SLC9A3: variants seen among roughly 807,000 people sequenced by gnomAD.
SLC9A3 encodes sodium/hydrogen exchanger 3.
SLC9A3 carries 37 observed loss-of-function variants against 86.8 expected under a neutral mutation model. The observed-to-expected ratio is 0.43, with a 90% CI of 0.33 to 0.56. The LOEUF is 0.56. SLC9A3 is among the 20% of genes least tolerant of loss of function. The pLI is 0.06. For synonymous variants in SLC9A3, 581 were observed against 528.3 expected, an observed-to-expected ratio of 1.10 and a Z score of -1.37; for missense variants, 1,011 against 1,171.9, an observed-to-expected ratio of 0.86 and a Z score of 2.00.
chr5:475,760 G>T, intron 14 of SLC9A3, 89 bp from the exon 15 acceptor site: 1 of 804,780 alleles, frequency 1.2e-6, no homozygotes. Flanking sequence ...TCTGTGCACA[G>T]AGGTGCAGGC....
intron 1 of SLC9A3, among the ~76,000 whole-genome samples, chr5:522,083 G>A (rs1263678436): frequency 1.4e-5 from 2 of 143,962 alleles, no homozygotes; most frequent in East Asian, 2.0e-4. Context: ...GTGGGATACC[G>A]CGATGAGCTC....
intron 2 of SLC9A3, among the ~76,000 whole-genome samples, chr5:490,307 G>A (rs921827835): frequency 8.5e-5 from 7 of 82,612 alleles, no homozygotes; most frequent in East Asian, 3.9e-4. Context: ...AGAGTCCAGC[G>A]TGGCGAGGGG....
In SLC9A3 at chr5:476,750, G is replaced by A. The variant is rs186127183; in HGVS notation, c.1761-78C>T. 9,580 of 1,548,858 alleles carry A rather than the reference G, an allele frequency of 6.2e-3. 120 individuals carry two copies. Among genetic ancestry groups the A allele is most frequent in the Non-Finnish European group, 6.3e-3 (7,157 of 1,144,680 alleles). On this transcript the variant is annotated intron_variant, in intron 11 of 16. Transcript: ENST00000264938. ...TGCGCGCCCCTCGCCTTCCCACGGCGGGCATCTGGCCCTGGCTGCCTCCTG... is the reference window on the plus strand; with the variant it reads ...TGCGCGCCCCTCGCCTTCCCACGGCAGGCATCTGGCCCTGGCTGCCTCCTG...
rs779580593 is a variant in SLC9A3, at chr5:479,906, T to C, written c.1577A>G (p.Lys526Arg). 2.5e-6 allele frequency: 4 copies of C among 1,613,876 alleles called. No homozygotes were observed. The highest frequency in any genetic ancestry group is 1.1e-5 in the South Asian group (1 of 91,080). The part of the protein sequence containing the change: ...SRVLMRRSAQ[K>R]SRDRILNVFH... ...GACATTCAGGATCCGGTCTCGAGAC[T>C]TCTGGGCCGACCGTCTCATGAGGAC... The change falls in exon 10 of 17, where the codon AAG becomes AGG. Residue 526 changes from lysine (K) to arginine (R), a missense_variant. By Grantham distance (26) the Lys-to-Arg change is conservative. Coordinates refer to ENST00000264938, the MANE Select transcript of SLC9A3 (RefSeq NM_004174.4).
chr5:524,030 C>T, intron 1 of SLC9A3, 82 bp downstream of exon 1: 3 of 946,362 alleles, frequency 3.2e-6, no homozygotes, highest in East Asian at 3.3e-5. Flanking sequence ...ACCTGATGCG[C>T]GCGGCCACAA....
intron 1 of SLC9A3, among the ~76,000 whole-genome samples, chr5:512,453 C>A (rs1401220564): frequency 6.6e-6 from 1 of 151,906 alleles, no homozygotes; most frequent in Non-Finnish European, 1.5e-5. Flanking sequence ...AAACTGTGGA[C>A]CTTAATTAAT....
At chr5:514,251 C>T (rs976246503) in intron 1 of SLC9A3, among the ~76,000 whole-genome samples, 6 of 152,126 alleles carry the variant, frequency 3.9e-5, no homozygotes, top group South Asian at 2.1e-4. Flanking sequence ...CAGGCAGTCC[C>T]GGTTCCAAGA....
rs1179758052 is a variant in SLC9A3 at position 473,156 on chromosome 5, C to CGGCGCAGGCCCCGCCCCT, written c.*222_*223insAGGGGCGGGGCCTGCGCC. The CGGCGCAGGCCCCGCCCCT allele has an allele frequency of 5.1e-6, 2 of 388,350 alleles. No homozygotes were observed. The highest frequency in any genetic ancestry group is 1.1e-4 in the South Asian group (1 of 8,860). The allele number at this position is 388,350 out of a possible 1,614,324, so 24.1% of individuals were successfully genotyped here. A position where few individuals can be genotyped will look rare whatever the true frequency, so the allele number is the denominator to read the frequency against. ...GCCCTCGGCGCTCCGGCCCCGCCCC[C>CGGCGCAGGCCCCGCCCCT]GGCGCAGGCCCCGCCCCCGGCTCGC... is the stretch of plus-strand genomic sequence containing the variant. On this transcript the variant is annotated 3_prime_UTR_variant, in exon 17 of 17. Transcript: ENST00000264938.
rs759890286 is a variant in SLC9A3, at chr5:479,956, G to A, written c.1527C>T (p.His509=). ...GHNYLRDKWS[H]FDRKFLSRVL... ...CCCTGCTGAGGAACTTCCTGTCGAAGTGGGACCACCTGTAGGGACAGACCT... is the reference window on the plus strand; with the variant it reads ...CCCTGCTGAGGAACTTCCTGTCGAAATGGGACCACCTGTAGGGACAGACCT... The change falls in exon 10 of 17, where the codon CAC becomes CAT. Residue 509 remains histidine (H), a synonymous_variant. Transcript: ENST00000264938. The A allele has an allele frequency of 1.2e-6, 2 of 1,613,678 alleles. No homozygotes were observed. The highest frequency in any genetic ancestry group is 1.7e-6 in the Non-Finnish European group (2 of 1,179,910).
chr5:522,939 C>G (rs971826850), intron 1 of SLC9A3, among the ~76,000 whole-genome samples: 20 of 151,978 alleles, frequency 1.3e-4, no homozygotes, highest in East Asian at 7.8e-4. Context: ...GACTCCCCCC[C>G]GGCCAGCATC....
chr5:477,679 C>T (rs989293538), intron 10 of SLC9A3: 4 of 495,620 alleles, frequency 8.1e-6, no homozygotes, highest in South Asian at 2.7e-5. Flanking sequence ...CTGAACTGGG[C>T]AGAGGTCATG....
intron 1 of SLC9A3, among the ~76,000 whole-genome samples, chr5:507,035 C>T (rs1219315211): frequency 6.7e-6 from 1 of 149,474 alleles, no homozygotes; most frequent in Non-Finnish European, 1.5e-5. Context: ...CGAGATTGGG[C>T]CACTGCACTC....
rs745868935 is a variant in SLC9A3 at position 476,684 on chromosome 5, C to G, written c.1761-12G>C. On this transcript the variant is annotated splice_polypyrimidine_tract_variant and intron_variant, in intron 11 of 16. Coordinates refer to ENST00000264938, the MANE Select transcript of SLC9A3 (RefSeq NM_004174.4). Reference sequence around the variant, plus strand: ...TGACATTTTCTCTCCTGCGTGGGGACCAGCGCTGAGCCATACAGGCTCCCT... The same window carrying G: ...TGACATTTTCTCTCCTGCGTGGGGAGCAGCGCTGAGCCATACAGGCTCCCT... 1.2e-6 allele frequency: 2 copies of G among 1,601,128 alleles called. No homozygotes were observed. Among genetic ancestry groups the G allele is most frequent in the East Asian group, 2.2e-5 (1 of 44,886 alleles).
Position 492,373 on chromosome 5 carries a change from TA to T in SLC9A3, c.212-303del, listed in dbSNP as rs1271177038. 6.0e-3 allele frequency among the ~76,000 whole-genome samples: 91 copies of T among 15,198 alleles called. 1 individual carries two copies. The highest frequency in any genetic ancestry group is 8.1e-3 in the South Asian group (3 of 372). 10.0% of individuals were successfully genotyped at this position (15,198 alleles called of 152,430 possible). ...GAGCCCATGGGGGAGGGGAGGGAGG[TA>T]GGGGGGAACCCACAGGGGAGGGGAG... On this transcript the variant is annotated intron_variant, in intron 1 of 16. Transcript: ENST00000264938.
chr5:489,351 C>T (rs975337060), intron 2 of SLC9A3, among the ~76,000 whole-genome samples: 23 of 152,176 alleles, frequency 1.5e-4, no homozygotes, highest in East Asian at 7.7e-4. Flanking sequence ...CGAGTCCCCC[C>T]GCACAGCTGC....
At chr5:507,739 A>G (rs188979847) in intron 1 of SLC9A3, among the ~76,000 whole-genome samples, 109 of 8,220 alleles carry the variant, frequency 0.013, no homozygotes, top group African/African-American at 0.023. Flanking sequence ...TCCCCACCCC[A>G]CAGACGCCCG....
At chr5:475,527 T>C in intron 15 of SLC9A3, 34 bp downstream of exon 15, 1 of 1,326,336 alleles carries the variant, frequency 7.5e-7, no homozygotes, top group Non-Finnish European at 1.1e-6. Context: ...GAGCCACCCC[T>C]CCCTTAGCCA....
At chr5:490,318 C>A (rs1048959358) in intron 2 of SLC9A3, among the ~76,000 whole-genome samples, 4 of 90,348 alleles carry the variant, frequency 4.4e-5, no homozygotes, top group African/African-American at 2.0e-4. Flanking sequence ...TGGCGAGGGG[C>A]AGGGGTGGAG....
Position 524,284 on chromosome 5 carries a change from C to A in SLC9A3, c.39G>T (p.Leu13=). ...GLGARGPDRG[L]LLALALGGLA... ...GCCCGCCCAGCGCCAGCGCCAGCAG[C>A]AGCCCCCGGTCGGGGCCCCGGGCCC... The change falls in exon 1 of 17, where the codon CTG becomes CTT. Residue 13 remains leucine, a synonymous_variant. Coordinates refer to ENST00000264938, the MANE Select transcript of SLC9A3 (RefSeq NM_004174.4). 1 of 1,330,744 alleles carries A rather than the reference C, an allele frequency of 7.5e-7. No homozygotes were observed. The highest frequency in any genetic ancestry group is 2.1e-5 in the South Asian group (1 of 47,958). 82.4% of individuals were successfully genotyped at this position (1,330,744 alleles called of 1,614,324 possible). A position where few individuals can be genotyped will look rare whatever the true frequency, so the allele number is the denominator to read the frequency against.
Sources: allele counts gnomAD v4.1 joint callset (sites outside exome capture counted in the v4.1 genomes callset), GRCh38; gene constraint gnomAD v4.1.1; transcripts MANE v1.5; gene names NCBI Gene and HGNC (gene_info 2026-07-23, HGNC 2026-07-21).